KLHL22: variants seen among roughly 807,000 people sequenced by gnomAD.
The protein encoded by KLHL22 is kelch like family member 22.
In KLHL22, 18 loss-of-function variants were observed where a neutral mutation model predicts 60.7. That is an observed-to-expected ratio of 0.30 (90% CI 0.20 to 0.44). The LOEUF (loss-of-function observed/expected upper bound fraction) is 0.44, where lower values mean the gene tolerates loss of function less well. Among genes scored for constraint, KLHL22 ranks in the 20% least tolerant of loss-of-function variants. KLHL22 has a pLI of 1.00. For missense variants in KLHL22, 596 were observed against 852.3 expected (o/e 0.70, Z 3.74); for synonymous variants, 355 against 354.5 (o/e 1.00, Z -0.01).
Position 20,489,387 on chromosome 22 carries a change from T to C in KLHL22, c.-33-143A>G, listed in dbSNP as rs1463488028. ...TTCCCTCTATTTCCAAATCCCCTAA[T>C]TCCTTCTCCCCTCCCACCTCTAGTC... is the stretch of plus-strand genomic sequence containing the variant. On this transcript the variant is annotated intron_variant, in intron 1 of 6. Coordinates refer to ENST00000328879, the MANE Select transcript of KLHL22 (RefSeq NM_032775.4). 3 of 656,502 alleles carry C rather than the reference T, an allele frequency of 4.6e-6. No homozygotes were observed. The African/African-American group carries it at 5.4e-5, about 12-fold the overall frequency. The allele number at this position is 656,502 out of a possible 1,614,324, so 40.7% of individuals were successfully genotyped here.
intron 2 of KLHL22, among the ~76,000 whole-genome samples, chr22:20,486,131 C>A (rs2053582947): frequency 1.4e-5 from 2 of 144,920 alleles, no homozygotes; most frequent in Admixed American, 6.9e-5. Flanking sequence ...CACACCACTG[C>A]ACTCCAGCCT....
At chr22:20,471,301 G>C (rs767805265) in intron 3 of KLHL22, 49 bp downstream of exon 3, 10 of 1,575,908 alleles carry the variant, frequency 6.3e-6, no homozygotes, top group African/African-American at 2.7e-5. Flanking sequence ...GCATCTCAGG[G>C]AACCCCACCT....
chr22:20,471,443 A>G lies in KLHL22; in HGVS notation c.300T>C (p.Ala100=). The part of the protein sequence containing the change: ...EVLIHGVSYN[A]MCQILHFIYT... ...ATATGAAATGTAGGATTTGGCACAT[A>G]GCATTGTAGGACACACCGTGGATCA... The change falls in exon 3 of 7, where the codon GCT becomes GCC. Residue 100 remains alanine, a synonymous_variant. Transcript: ENST00000328879. 6.2e-7 allele frequency: 1 copy of G among 1,614,220 alleles called. No individual in the cohort carries two copies. Among genetic ancestry groups the G allele is most frequent in the East Asian group, 2.2e-5 (1 of 44,884 alleles).
At chr22:20,446,776 C>T (rs924870440) in intron 5 of KLHL22, 100 bp from the exon 6 acceptor site, 16 of 835,604 alleles carry the variant, frequency 1.9e-5, no homozygotes, top group South Asian at 4.4e-5. Context: ...TGCCTGACAA[C>T]GCTGTGAGGC....
intron 2 of KLHL22, chr22:20,482,725 A>G: frequency 6.4e-6 from 4 of 627,590 alleles, no homozygotes; most frequent in Non-Finnish European, 8.3e-6. Flanking sequence ...GGCATGCACC[A>G]CAACACCTGG....
intron 3 of KLHL22, among the ~76,000 whole-genome samples, chr22:20,469,377 G>A (rs2053279350): frequency 6.6e-6 from 1 of 152,112 alleles, no homozygotes; most frequent in African/African-American, 2.4e-5. Flanking sequence ...GGGACTGACA[G>A]GGGAGCTCCG....
At chr22:20,478,170 G>C (rs1041729114) in intron 2 of KLHL22, among the ~76,000 whole-genome samples, 1 of 150,036 alleles carries the variant, frequency 6.7e-6, no homozygotes, top group Non-Finnish European at 1.5e-5. Context: ...CCTTTTTATT[G>C]TTTTTCTTTT....
chr22:20,490,488 A>G (rs2053667738), intron 1 of KLHL22, among the ~76,000 whole-genome samples: 4 of 152,192 alleles, frequency 2.6e-5, no homozygotes, highest in Admixed American at 2.0e-4. Flanking sequence ...CAAACACAGG[A>G]GACTTCTGTG....
intron 4 of KLHL22, among the ~76,000 whole-genome samples, chr22:20,463,048 C>A (rs2053180315): frequency 6.6e-6 from 1 of 152,066 alleles, no homozygotes; most frequent in African/African-American, 2.4e-5. Flanking sequence ...GAGAAAGAAC[C>A]AAATCTTAGA....
At chr22:20,487,820 C>G (rs548862301) in intron 2 of KLHL22, among the ~76,000 whole-genome samples, 18 of 152,280 alleles carry the variant, frequency 1.2e-4, no homozygotes, top group African/African-American at 4.3e-4. Flanking sequence ...TGGTATGACA[C>G]TAAATCAAGA....
chr22:20,457,851 G>C lies in KLHL22; in HGVS notation c.1262C>G (p.Pro421Arg). ...CACGTATGCCCAGGAGTTGGTGGCA[G>C]GGTCGTAGCGCTCCACAGCATTCAG... ...NDLNAVERYDPATNSWAYVAP... is the reference protein window; with the variant it reads ...NDLNAVERYDRATNSWAYVAP... Residue 421 changes from proline to arginine, a missense_variant, in exon 5 of 7, where the codon CCT (proline) becomes CGT (arginine). Transcript: ENST00000328879. The C allele has an allele frequency of 6.2e-7, 1 of 1,609,512 alleles. No homozygotes were observed. Among genetic ancestry groups the C allele is most frequent in the Non-Finnish European group, 8.5e-7 (1 of 1,177,904 alleles).
At chr22:20,492,696 T>C (rs2053710566) in intron 1 of KLHL22, among the ~76,000 whole-genome samples, 1 of 151,898 alleles carries the variant, frequency 6.6e-6, no homozygotes, top group Admixed American at 6.6e-5. Flanking sequence ...TTCAAGTGAT[T>C]CTCCTGCCTC....
Position 20,466,372 on chromosome 22 carries a change from T to TAA in KLHL22, c.394-798_394-797dup, listed in dbSNP as rs361874. On this transcript the variant is annotated intron_variant, in intron 3 of 6. Coordinates refer to ENST00000328879, the MANE Select transcript of KLHL22 (RefSeq NM_032775.4). ...CTGGGTGACAGAGCGAGACTCCGTC[T>TAA]AAAAAAAAAAAAAAAAAAAAAAAAA... Among the ~76,000 whole-genome samples the TAA allele has an allele frequency of 6.2e-3, 434 of 70,110 alleles. 2 individuals are homozygous for TAA. The highest frequency in any genetic ancestry group is 0.018 in the African/African-American group (322 of 17,660). 46.0% of individuals were successfully genotyped at this position (70,110 alleles called of 152,430 possible). A position where few individuals can be genotyped will look rare whatever the true frequency, so the allele number is the denominator to read the frequency against.
At chr22:20,450,255 G>A in intron 5 of KLHL22, 1 of 908,796 alleles carries the variant, frequency 1.1e-6, no homozygotes, top group East Asian at 2.4e-5. Context: ...AGACTTTCCT[G>A]CCCATGAGAT....
chr22:20,454,202 A>T (rs2053027371), intron 5 of KLHL22, among the ~76,000 whole-genome samples: 1 of 151,844 alleles, frequency 6.6e-6, no homozygotes, highest in African/African-American at 2.4e-5. Context: ...GGTGGTGCTC[A>T]CCTGTAATCC....
chr22:20,450,998 C>T (rs2052968076), intron 5 of KLHL22: 4 of 1,553,230 alleles, frequency 2.6e-6, no homozygotes, highest in Non-Finnish European at 2.7e-6. Flanking sequence ...AGCCAGCAGT[C>T]TCCCATCGAT....
intron 2 of KLHL22, among the ~76,000 whole-genome samples, chr22:20,473,121 G>A (rs2053354896): frequency 6.6e-6 from 1 of 152,218 alleles, no homozygotes; most frequent in Non-Finnish European, 1.5e-5. Flanking sequence ...TGAACTGACT[G>A]GCTTTCCGAC....
intron 2 of KLHL22, 128 bp from the exon 3 acceptor site, chr22:20,471,643 T>G: frequency 1.1e-6 from 1 of 915,792 alleles, no homozygotes; most frequent in Non-Finnish European, 1.7e-6. Context: ...GCTGACCCAC[T>G]CTGTGCTCTG....
At chr22:20,458,416 G>A (rs2053099848) in intron 4 of KLHL22, among the ~76,000 whole-genome samples, 1 of 148,850 alleles carries the variant, frequency 6.7e-6, no homozygotes, top group Admixed American at 6.7e-5. Flanking sequence ...AAGTAGCTGG[G>A]ACTACAGGTG....
Sources: allele counts gnomAD v4.1 joint callset (sites outside exome capture counted in the v4.1 genomes callset), GRCh38; gene constraint gnomAD v4.1.1; transcripts MANE v1.5; gene names NCBI Gene and HGNC (gene_info 2026-07-23, HGNC 2026-07-21).